The following PAX7 variants were observed in gnomAD, a reference collection of about 807,000 sequenced individuals.
The protein encoded by PAX7 is paired box 7.
PAX7 carries 18 observed loss-of-function variants against 50.7 expected under a neutral mutation model. The ratio of observed to expected loss-of-function variants is 0.36; its 90% CI spans 0.25 to 0.53. PAX7 has a LOEUF of 0.53. Among genes scored for constraint, PAX7 ranks in the 20% least tolerant of loss-of-function variants. The probability of loss-of-function intolerance (pLI) is 0.93; values close to 1 mark genes in which losing one functional copy is unlikely to be tolerated. For synonymous variants in PAX7, 310 were observed against 290.4 expected (o/e 1.07, Z -0.69); for missense variants, 644 against 702.9 (o/e 0.92, Z 0.95).
At chr1:18,733,119 T>A (rs1321895311) in intron 7 of PAX7, among the ~76,000 whole-genome samples, 1 of 149,496 alleles carries the variant, frequency 6.7e-6, no homozygotes, top group Non-Finnish European at 1.5e-5. Context: ...AGACTCAGAT[T>A]CCTGAGTCTG....
At chr1:18,639,130 A>G (rs889031068) in intron 4 of PAX7, among the ~76,000 whole-genome samples, 1 of 152,156 alleles carries the variant, frequency 6.6e-6, no homozygotes, top group Non-Finnish European at 1.5e-5. Context: ...TCCGCTTGGC[A>G]TTTAATAATG....
At chr1:18,646,407 C>T (rs1322047168) in intron 4 of PAX7, among the ~76,000 whole-genome samples, 1 of 152,152 alleles carries the variant, frequency 6.6e-6, no homozygotes, top group African/African-American at 2.4e-5. Context: ...CCCAAAAACC[C>T]GGTCTTTTCC....
At chr1:18,699,344 AAGGAGT>A (rs1180785792) in intron 5 of PAX7, among the ~76,000 whole-genome samples, 58 of 152,236 alleles carry the variant, frequency 3.8e-4, no homozygotes, top group African/African-American at 1.3e-3. Context: ...TGCGGCAATT[AAGGAGT>A]AGGAGTAGGA....
rs1363875412 is a variant in PAX7, at chr1:18,631,517, GGAAAGAAA to G, written c.-84_-77del. ...TTAAAAAAAAGAAGACGAAGAAGACGGAAAGAAAGAGATCGCAGCAGGGGTGAAGGGAG... is the reference window on the plus strand; with the variant it reads ...TTAAAAAAAAGAAGACGAAGAAGACGGAGATCGCAGCAGGGGTGAAGGGAG... On this transcript the variant is annotated 5_prime_UTR_variant, in exon 1 of 9. Transcript: ENST00000420770. 2.7e-6 allele frequency: 3 copies of G among 1,101,772 alleles called. No homozygotes were observed. Among genetic ancestry groups the G allele is most frequent in the Non-Finnish European group, 4.1e-6 (3 of 736,626 alleles). 68.2% of individuals were successfully genotyped at this position (1,101,772 alleles called of 1,614,324 possible).
intron 4 of PAX7, among the ~76,000 whole-genome samples, chr1:18,656,715 C>A (rs530569758): frequency 6.6e-6 from 1 of 151,794 alleles, no homozygotes; most frequent in African/African-American, 2.4e-5. Context: ...GATAATGAGG[C>A]GAGACGTGGT....
chr1:18,692,859 T>A (rs929185123), intron 5 of PAX7, among the ~76,000 whole-genome samples: 15 of 152,126 alleles, frequency 9.9e-5, no homozygotes, highest in Non-Finnish European at 2.2e-4. Context: ...AGCCTCCCAA[T>A]GGCTCGAGGA....
intron 5 of PAX7, among the ~76,000 whole-genome samples, chr1:18,697,071 C>T (rs1178723389): frequency 6.6e-6 from 1 of 152,062 alleles, no homozygotes; most frequent in Non-Finnish European, 1.5e-5. Flanking sequence ...AAAAAAGATA[C>T]AGTTCAAAGT....
chr1:18,647,003 CG>C (rs1422447404), intron 4 of PAX7, among the ~76,000 whole-genome samples: 1 of 23,402 alleles, frequency 4.3e-5, no homozygotes, highest in African/African-American at 1.8e-4. Context: ...GGGCCTTGGG[CG>C]GGGATCCCGG....
chr1:18,720,024 C>A (rs2089474944), intron 7 of PAX7, among the ~76,000 whole-genome samples: 1 of 152,188 alleles, frequency 6.6e-6, no homozygotes. Context: ...CAGCAAGGCA[C>A]AATGTTGGAA....
At chr1:18,694,461 AAAATAAAT>A (rs61364336) in intron 5 of PAX7, among the ~76,000 whole-genome samples, 5,626 of 139,684 alleles carry the variant, frequency 0.04, 162 homozygotes, top group African/African-American at 0.074. Flanking sequence ...CTCTGTCTCG[AAAATAAAT>A]AAATAAATAA....
chr1:18,670,440 T>C (rs373777479), intron 4 of PAX7, among the ~76,000 whole-genome samples: 5 of 152,178 alleles, frequency 3.3e-5, no homozygotes, highest in Middle Eastern at 3.4e-3. Flanking sequence ...GTTCCCAAAG[T>C]CCTGAGTGCC....
intron 4 of PAX7, among the ~76,000 whole-genome samples, chr1:18,661,239 G>C (rs57676346): frequency 6.6e-6 from 1 of 152,058 alleles, no homozygotes; most frequent in Non-Finnish European, 1.5e-5. Flanking sequence ...TCAGTGTAAG[G>C]GTTGCCATGA....
intron 4 of PAX7, among the ~76,000 whole-genome samples, chr1:18,645,440 CT>C (rs2100444856): frequency 6.6e-6 from 1 of 152,340 alleles, no homozygotes; most frequent in East Asian, 1.9e-4. Flanking sequence ...CCACCCTAAA[CT>C]TTTCTGGGTC....
chr1:18,639,128 G>A (rs547888492), intron 4 of PAX7, among the ~76,000 whole-genome samples: 3 of 152,150 alleles, frequency 2.0e-5, no homozygotes, highest in African/African-American at 4.8e-5. Flanking sequence ...CGTCCGCTTG[G>A]CATTTAATAA....
chr1:18,634,244 T>C lies in PAX7; in HGVS notation c.86-59T>C. On this transcript the variant is annotated intron_variant, in intron 1 of 8. Coordinates refer to ENST00000420770, the MANE Select transcript of PAX7 (RefSeq NM_001135254.2). This position sits in a 1 kb window ranked among gnomAD's most constrained non-coding sequence, Gnocchi z 4.0. ...CTGGAGTCAGGGAGTGTACTCAGTGTCTGCTCTCCATCCTCACCCTGCACC... is the reference window on the plus strand; with the variant it reads ...CTGGAGTCAGGGAGTGTACTCAGTGCCTGCTCTCCATCCTCACCCTGCACC... 7.3e-7 allele frequency: 1 copy of C among 1,369,378 alleles called. No individual in the cohort carries two copies. Among genetic ancestry groups the C allele is most frequent in the East Asian group, 2.4e-5 (1 of 41,004 alleles). The allele number at this position is 1,369,378 out of a possible 1,614,324, so 84.8% of individuals were successfully genotyped here.
chr1:18,675,158 G>C (rs1487622430), intron 4 of PAX7, among the ~76,000 whole-genome samples: 1 of 152,168 alleles, frequency 6.6e-6, no homozygotes, highest in Non-Finnish European at 1.5e-5. Flanking sequence ...AGGGTTCTAT[G>C]AAAGGATGTA....
In PAX7 at chr1:18,735,858, A is replaced by T; in HGVS notation, c.1382A>T (p.Gln461Leu). 6.2e-7 allele frequency: 1 copy of T among 1,613,964 alleles called. No individual in the cohort carries two copies. The highest frequency in any genetic ancestry group is 1.3e-5 in the African/African-American group (1 of 75,040). Residue 461 changes from glutamine (Q) to leucine (L), a missense_variant, in exon 8 of 9, where the codon CAG (glutamine) becomes CTG (leucine). Gln to Leu is a moderately radical substitution (Grantham distance 113, BLOSUM62 -2). Coordinates refer to ENST00000420770, the MANE Select transcript of PAX7 (RefSeq NM_001135254.2). This position sits in a 1 kb window ranked among gnomAD's most constrained non-coding sequence, Gnocchi z 4.0. ...GYSVDPVAGY[Q>L]YGQYGQTAVD... The stretch of plus-strand genomic sequence containing the variant: ...AGCGTGGACCCCGTGGCCGGCTATC[A>T]GTACGGCCAGTACGGCCAGAGTGAG...
At position 18,700,587 on chromosome 1, in the gene PAX7, A is replaced by G. The variant is rs985873136; in HGVS notation, c.787-66A>G. The G allele has an allele frequency of 3.7e-5, 53 of 1,413,364 alleles. No homozygotes were observed. Among genetic ancestry groups the G allele is most frequent in the Non-Finnish European group, 4.8e-5 (51 of 1,064,422 alleles). 87.6% of individuals were successfully genotyped at this position (1,413,364 alleles called of 1,614,324 possible). ...TGATGGCTTGGGCAACTGGGTCTAC[A>G]TGTGTTGCAGCTCTCTGCCAGGAAC... On this transcript the variant is annotated intron_variant, in intron 5 of 8. Transcript: ENST00000420770. The surrounding 1 kb of genome is among the most constrained non-coding windows in gnomAD (Gnocchi z 4.8).
chr1:18,631,841 G>A (rs1490905555), intron 1 of PAX7, among the ~76,000 whole-genome samples, 153 bp downstream of exon 1: 1 of 150,612 alleles, frequency 6.6e-6, no homozygotes, highest in African/African-American at 2.4e-5. Context: ...GGAACCCAGG[G>A]AGTTTCTGGG....
Sources: allele counts gnomAD v4.1 joint callset (sites outside exome capture counted in the v4.1 genomes callset), GRCh38; gene constraint gnomAD v4.1.1; non-coding constraint Gnocchi (gnomAD v3.1); transcripts MANE v1.5; gene names NCBI Gene and HGNC (gene_info 2026-07-23, HGNC 2026-07-21).